ALG9: variants seen among roughly 807,000 people sequenced by gnomAD.
ALG9 encodes ALG9 alpha-1,2-mannosyltransferase, also known as alpha-1,2-mannosyltransferase ALG9.
ALG9 carries 55 observed loss-of-function variants against 81.8 expected under a neutral mutation model. The observed-to-expected ratio is 0.67, with a 90% CI of 0.54 to 0.84. The LOEUF (loss-of-function observed/expected upper bound fraction) is 0.84, where lower values mean the gene tolerates loss of function less well. Ranked by LOEUF, ALG9 falls within the 40% of genes least tolerant of loss-of-function variation. The pLI, the probability that ALG9 is intolerant of heterozygous loss-of-function variation, is 0.00. For missense variants in ALG9, 629 were observed against 745.0 expected (o/e 0.84, Z 1.81); for synonymous variants, 278 against 274.3 (o/e 1.01, Z -0.13).
At chr11:111,780,266 T>C (rs1945855180), downstream of ALG9, among the ~76,000 whole-genome samples, 1 of 152,212 alleles carries the variant, frequency 6.6e-6, no homozygotes, top group African/African-American at 2.4e-5. Context: ...GAAGCTACCC[T>C]TCTAAAATGC....
intron 6 of ALG9, among the ~76,000 whole-genome samples, chr11:111,855,445 C>T (rs1414815885): frequency 1.3e-5 from 2 of 152,030 alleles, no homozygotes; most frequent in African/African-American, 4.8e-5. Context: ...AGGAGGAGAT[C>T]ATTTAGGAGG....
chr11:111,866,811 A>G (rs944907602), intron 3 of ALG9, among the ~76,000 whole-genome samples: 3 of 151,534 alleles, frequency 2.0e-5, no homozygotes, highest in Non-Finnish European at 4.4e-5. Context: ...ACCAGAAATG[A>G]GGCCAGGTGC....
chr11:111,820,547 T>G (rs974143987), intron 13 of ALG9, among the ~76,000 whole-genome samples: 3 of 152,184 alleles, frequency 2.0e-5, no homozygotes, highest in African/African-American at 7.2e-5. Flanking sequence ...CACCTTCCAT[T>G]AGGTGCCACC....
At chr11:111,856,243 C>T (rs1345958698) in intron 6 of ALG9, among the ~76,000 whole-genome samples, 1 of 142,196 alleles carries the variant, frequency 7.0e-6, no homozygotes, top group Non-Finnish European at 1.5e-5. Context: ...TGCCACTGCA[C>T]TCCAGCCTGG....
In ALG9 at chr11:111,838,337, G is replaced by A; in HGVS notation, c.1236C>T (p.His412=). 4 of 1,613,920 alleles carry A rather than the reference G, an allele frequency of 2.5e-6. 1 individual carries two copies. In the South Asian group the frequency reaches 4.4e-5, roughly 18 times the overall value. ...CCAGCCAATTCGATGTCACAGTATA[G>A]TGCTCCAGGCGATATCGTTGAAACA... ...HFVFQRYRLE[H]YTVTSNWLAL... is the part of the protein sequence containing the mutation. Residue 412 remains histidine, a synonymous_variant, in exon 11 of 15, where the codon CAC becomes CAT. Transcript: ENST00000616540.
chr11:111,839,723 T>C (rs1257744978), intron 10 of ALG9, among the ~76,000 whole-genome samples: 5 of 152,176 alleles, frequency 3.3e-5, no homozygotes, highest in African/African-American at 1.2e-4. Context: ...ATTTTTCTTT[T>C]ACTACTTCCT....
chr11:111,825,366 G>C (rs1018409246), intron 13 of ALG9, among the ~76,000 whole-genome samples: 1 of 152,138 alleles, frequency 6.6e-6, no homozygotes, highest in African/African-American at 2.4e-5. Flanking sequence ...AGAGAACACC[G>C]TCACATACAT....
At chr11:111,821,218 G>A (rs781880044) in intron 13 of ALG9, among the ~76,000 whole-genome samples, 1 of 151,984 alleles carries the variant, frequency 6.6e-6, no homozygotes, top group African/African-American at 2.4e-5. Flanking sequence ...ATTTGTACAA[G>A]ATCAAGTGGG....
intron 13 of ALG9, among the ~76,000 whole-genome samples, chr11:111,829,370 G>C (rs1235372948): frequency 2.6e-5 from 4 of 152,094 alleles, no homozygotes; most frequent in African/African-American, 9.7e-5. Flanking sequence ...TTAAAATTTT[G>C]TAAAACACAA....
chr11:111,821,356 C>A (rs1329841069), intron 13 of ALG9, among the ~76,000 whole-genome samples: 1 of 152,146 alleles, frequency 6.6e-6, no homozygotes, highest in African/African-American at 2.4e-5. Flanking sequence ...CAGAGCAGCA[C>A]CAAAAGCCAG....
At chr11:111,791,050 G>T (rs1947326321) in intron 14 of ALG9, among the ~76,000 whole-genome samples, 1 of 152,102 alleles carries the variant, frequency 6.6e-6, no homozygotes, top group Non-Finnish European at 1.5e-5. Context: ...AAATATATAT[G>T]AGTAGATAAA....
chr11:111,836,873 T>C (rs1955383292), intron 12 of ALG9, among the ~76,000 whole-genome samples: 1 of 152,210 alleles, frequency 6.6e-6, no homozygotes, highest in African/African-American at 2.4e-5. Context: ...TGAAGCCATT[T>C]CTCAAATGGA....
chr11:111,804,951 G>A (rs538292957), intron 14 of ALG9: 4 of 194,650 alleles, frequency 2.1e-5, no homozygotes, highest in Non-Finnish European at 3.2e-5. Context: ...GCAATCATAC[G>A]CCTTGGTATT....
intron 14 of ALG9, among the ~76,000 whole-genome samples, chr11:111,804,558 T>C (rs544888796): frequency 1.3e-5 from 2 of 152,242 alleles, no homozygotes; most frequent in African/African-American, 2.4e-5. Context: ...ACCACTGTAC[T>C]CCAGCTTGGG....
chr11:111,840,920 T>C, intron 9 of ALG9, 111 bp from the exon 10 acceptor site: 5 of 1,286,708 alleles, frequency 3.9e-6, no homozygotes, highest in Admixed American at 1.8e-5. Flanking sequence ...GGACACTCCA[T>C]AGAATGTTTC....
chr11:111,827,621 C>T (rs1953573611), intron 13 of ALG9, among the ~76,000 whole-genome samples: 1 of 152,196 alleles, frequency 6.6e-6, no homozygotes, highest in South Asian at 2.1e-4. Context: ...AATCCCAGCA[C>T]TTTGGGAGGC....
chr11:111,853,586 T>A (rs1268760364), intron 7 of ALG9, 63 bp downstream of exon 7: 6 of 1,578,552 alleles, frequency 3.8e-6, no homozygotes, highest in Non-Finnish European at 4.4e-6. Context: ...GATGTTCCTT[T>A]TTTCACATCA....
intron 2 of ALG9, 55 bp downstream of exon 2, chr11:111,870,177 A>G: frequency 6.4e-7 from 1 of 1,569,214 alleles, no homozygotes; most frequent in Non-Finnish European, 8.6e-7. Context: ...GATTGGTAAT[A>G]ACACCTATGC....
At chr11:111,777,048 T>G in the ALG9 span, among the ~76,000 whole-genome samples, 21 of 152,328 alleles carry the variant, frequency 1.4e-4, no homozygotes, top group Middle Eastern at 3.4e-3. Flanking sequence ...AGAGGTAAAG[T>G]TAGGACTTTG....
Sources: allele counts gnomAD v4.1 joint callset (sites outside exome capture counted in the v4.1 genomes callset), GRCh38; gene constraint gnomAD v4.1.1; transcripts MANE v1.5; gene names NCBI Gene and HGNC (gene_info 2026-07-23, HGNC 2026-07-21).